Variants in KCNAB3 observed in about 807,000 individuals in gnomAD.
The protein encoded by KCNAB3 is potassium voltage-gated channel subfamily A regulatory beta subunit 3, also known as voltage-gated potassium channel subunit beta-3.
In KCNAB3, 62 loss-of-function variants were observed where a neutral mutation model predicts 67.7. That is an observed-to-expected ratio of 0.92 (90% CI 0.75 to 1.13). The LOEUF (loss-of-function observed/expected upper bound fraction) is 1.13. KCNAB3 is among the 50% of genes most tolerant of loss of function. The pLI is 0.00. For missense variants in KCNAB3, 514 were observed against 522.9 expected (o/e 0.98, Z 0.17); for synonymous variants, 212 against 205.4 (o/e 1.03, Z -0.27).
Position 7,929,834 on chromosome 17 carries a change from C to CT in KCNAB3, c.-400_-399insA. 25 of 1,026,752 alleles carry CT rather than the reference C, an allele frequency of 2.4e-5. No homozygotes were observed. The highest frequency in any genetic ancestry group is 1.6e-4 in the Admixed American group (3 of 18,240). 63.6% of individuals were successfully genotyped at this position (1,026,752 alleles called of 1,614,324 possible). ...CTGCGGGACCCGCTGGGCTCCCAGC[C>CT]GCGTCGGCAGCGGGCCCAGCTCATC... On this transcript the variant is annotated 5_prime_UTR_variant, in exon 1 of 14. Transcript: ENST00000303790. The surrounding 1 kb of genome is among the most constrained non-coding windows in gnomAD (Gnocchi z 5.7).
intron 13 of KCNAB3, 124 bp downstream of exon 13, chr17:7,923,332 C>G: frequency 8.0e-7 from 1 of 1,251,650 alleles, no homozygotes; most frequent in Non-Finnish European, 1.1e-6. Context: ...GCCCTGGGAC[C>G]TCTCACCTGC....
chr17:7,926,548 G>A (rs1972239118), intron 4 of KCNAB3, among the ~76,000 whole-genome samples: 1 of 152,134 alleles, frequency 6.6e-6, no homozygotes, highest in South Asian at 2.1e-4. Flanking sequence ...CTATGGTCCA[G>A]CCTTCTGGTC....
intron 8 of KCNAB3, 43 bp from the exon 9 acceptor site, chr17:7,924,543 G>A (rs1309574175): frequency 6.4e-7 from 1 of 1,568,550 alleles, no homozygotes; most frequent in Admixed American, 1.9e-5. Context: ...CAGAGCCCTG[G>A]AATCTAAGAC....
At chr17:7,924,533 C>CA (rs1434215233) in intron 8 of KCNAB3, 33 bp from the exon 9 acceptor site, 2 of 1,584,682 alleles carry the variant, frequency 1.3e-6, no homozygotes, top group Admixed American at 1.8e-5. Flanking sequence ...GCCTTACTGT[C>CA]AGAGCCCTGG....
At position 7,929,223 on chromosome 17, in the gene KCNAB3, G is replaced by GCT; in HGVS notation, c.211_212dup (p.Ser71ArgfsTer9). On this transcript the variant is annotated frameshift_variant, in exon 1 of 14. Transcript: ENST00000303790. LOFTEE classifies it high-confidence loss of function. The surrounding 1 kb of genome is among the most constrained non-coding windows in gnomAD (Gnocchi z 5.7). ...ATTTCATGCCAGTGCCTCGGCCGGT[G>GCT]CTCTCTCGGAGGGCCCCAGCGGGCG... The GCT allele has an allele frequency of 6.2e-7, 1 of 1,611,634 alleles. No individual in the cohort carries two copies. Among genetic ancestry groups the GCT allele is most frequent in the African/African-American group, 1.3e-5 (1 of 74,986 alleles).
chr17:7,923,478 A>T lies in KCNAB3; in HGVS notation c.1115T>A (p.Ile372Lys). Residue 372 changes from isoleucine (I) to lysine (K), a missense_variant, in exon 13 of 14, where the codon ATA (isoleucine) becomes AAA (lysine). Ile to Lys is a moderately radical substitution (Grantham distance 102). Transcript: ENST00000303790. ...LLGVSSAEQL[I>K]EHLGALQVLS... ...CACCTGTAGCGCGCCCAGGTGTTCTATCAACTGCTCCGCACTCGACACCCC... is the reference window on the plus strand; with the variant it reads ...CACCTGTAGCGCGCCCAGGTGTTCTTTCAACTGCTCCGCACTCGACACCCC... 6.2e-7 allele frequency: 1 copy of T among 1,612,086 alleles called. No homozygotes were observed. The highest frequency in any genetic ancestry group is 8.5e-7 in the Non-Finnish European group (1 of 1,179,168).
chr17:7,924,665 A>AGCCTCCACT, intron 8 of KCNAB3, 165 bp from the exon 9 acceptor site: 1 of 1,383,212 alleles, frequency 7.2e-7, no homozygotes, highest in South Asian at 1.9e-5. Context: ...CTGGAGTCTC[A>AGCCTCCACT]GCCTCCACTG....
intron 2 of KCNAB3, 44 bp from the exon 3 acceptor site, chr17:7,927,738 C>G: frequency 3.7e-6 from 6 of 1,614,166 alleles, no homozygotes; most frequent in Non-Finnish European, 5.1e-6. Context: ...AGGGGGCAGA[C>G]CATGAAAGAA....
Position 7,929,509 on chromosome 17 carries a change from A to G in KCNAB3, c.-74T>C. 6.6e-7 allele frequency: 1 copy of G among 1,516,600 alleles called. No homozygotes were observed. The highest frequency in any genetic ancestry group is 8.8e-7 in the Non-Finnish European group (1 of 1,130,538). The allele number at this position is 1,516,600 out of a possible 1,614,324, so 93.9% of individuals were successfully genotyped here. ...GAGCAGGGAAGCCCGAGGGCTGACG[A>G]CCGGGGGCGTAGTGGGGCGAACCCC... On this transcript the variant is annotated 5_prime_UTR_variant, in exon 1 of 14. Coordinates refer to ENST00000303790, the MANE Select transcript of KCNAB3 (RefSeq NM_004732.4). This position sits in a 1 kb window ranked among gnomAD's most constrained non-coding sequence, Gnocchi z 5.7.
chr17:7,925,654 A>G, intron 7 of KCNAB3, 29 bp downstream of exon 7: 1 of 1,611,724 alleles, frequency 6.2e-7, no homozygotes, highest in Non-Finnish European at 8.5e-7. Context: ...ATATCCCCTC[A>G]CTTTGGGTTT....
chr17:7,929,679 G>C lies in KCNAB3; in HGVS notation c.-244C>G. 1 of 1,396,782 alleles carries C rather than the reference G, an allele frequency of 7.2e-7. No homozygotes were observed. Among genetic ancestry groups the C allele is most frequent in the Non-Finnish European group, 9.3e-7 (1 of 1,078,906 alleles). 86.5% of individuals were successfully genotyped at this position (1,396,782 alleles called of 1,614,324 possible). A position where few individuals can be genotyped will look rare whatever the true frequency, so the allele number is the denominator to read the frequency against. On this transcript the variant is annotated 5_prime_UTR_variant, in exon 1 of 14. Coordinates refer to ENST00000303790, the MANE Select transcript of KCNAB3 (RefSeq NM_004732.4). The surrounding 1 kb of genome is among the most constrained non-coding windows in gnomAD (Gnocchi z 5.7). ...CAGGAGTGGAGATATTCAGTTACGG[G>C]GGACACAGGAGCAAGGATTAGGAGG...
chr17:7,925,601 G>A, intron 7 of KCNAB3, 82 bp downstream of exon 7: 1 of 1,352,258 alleles, frequency 7.4e-7, no homozygotes, highest in Non-Finnish European at 1.1e-6. Context: ...CCTATTCAAA[G>A]CCTCCAGAAG....
In KCNAB3 at chr17:7,924,360, C is replaced by T. The variant is rs1407576175; in HGVS notation, c.711+55G>A. ...AGTGCAGTGGGCTTTGGAGTAACCA[C>T]GTGAAAAGTGGGAACCAGTTGTGGG... On this transcript the variant is annotated intron_variant, in intron 9 of 13. Transcript: ENST00000303790. 10 of 1,608,068 alleles carry T rather than the reference C, an allele frequency of 6.2e-6. No individual in the cohort carries two copies. In the East Asian group the frequency reaches 8.9e-5, roughly 14 times the overall value.
chr17:7,928,119 G>T, intron 1 of KCNAB3: 1 of 546,570 alleles, frequency 1.8e-6, no homozygotes, highest in South Asian at 2.1e-5. Flanking sequence ...CCTTCTTCTG[G>T]GGTCTTGTCT....
In KCNAB3 at chr17:7,929,686, A is replaced by C; in HGVS notation, c.-251T>G. On this transcript the variant is annotated 5_prime_UTR_variant, in exon 1 of 14. Transcript: ENST00000303790. The surrounding 1 kb of genome is among the most constrained non-coding windows in gnomAD (Gnocchi z 5.7). Reference sequence around the variant, plus strand: ...GGAGATATTCAGTTACGGGGGACACAGGAGCAAGGATTAGGAGGGGGAAAT... The same window carrying C: ...GGAGATATTCAGTTACGGGGGACACCGGAGCAAGGATTAGGAGGGGGAAAT... 2.9e-6 allele frequency: 4 copies of C among 1,380,704 alleles called. No individual in the cohort carries two copies. The East Asian group carries it at 1.2e-4, about 41-fold the overall frequency. 85.5% of individuals were successfully genotyped at this position (1,380,704 alleles called of 1,614,324 possible).
chr17:7,923,001 G>A lies in KCNAB3; in HGVS notation c.*101C>T, dbSNP rs1972086640. 4 of 1,141,428 alleles carry A rather than the reference G, an allele frequency of 3.5e-6. No homozygotes were observed. In the South Asian group the frequency reaches 3.7e-5, roughly 11 times the overall value. The allele number at this position is 1,141,428 out of a possible 1,614,324, so 70.7% of individuals were successfully genotyped here. The stretch of plus-strand genomic sequence containing the variant: ...TGGTGGGCGGGGCTAGTCTGGCTCC[G>A]GCCGCTGCGTGGAGGGATCCGGAGC... On this transcript the variant is annotated 3_prime_UTR_variant, in exon 14 of 14. Coordinates refer to ENST00000303790, the MANE Select transcript of KCNAB3 (RefSeq NM_004732.4).
At chr17:7,927,255 A>G in intron 4 of KCNAB3, 89 bp downstream of exon 4, 1 of 1,250,872 alleles carries the variant, frequency 8.0e-7, no homozygotes, top group Non-Finnish European at 1.2e-6. Context: ...CAGAAGTCCC[A>G]GGGTTCTTTA....
Position 7,927,403 on chromosome 17 carries a change from A to G in KCNAB3, c.345T>C (p.Thr115=), listed in dbSNP as rs753511380. 6.2e-7 allele frequency: 1 copy of G among 1,614,022 alleles called. No homozygotes were observed. Among genetic ancestry groups the G allele is most frequent in the African/African-American group, 1.3e-5 (1 of 75,044 alleles). Residue 115 remains threonine (T), a synonymous_variant, in exon 4 of 14, where the codon ACT becomes ACC. Coordinates refer to ENST00000303790, the MANE Select transcript of KCNAB3 (RefSeq NM_004732.4). ...ISDETAEDVL[T]VAYEHGVNLF... ...GGTTTACACCATGCTCATAGGCTACAGTCAGCACATCCTCTGCTGTCTAGG... is the reference window on the plus strand; with the variant it reads ...GGTTTACACCATGCTCATAGGCTACGGTCAGCACATCCTCTGCTGTCTAGG...
chr17:7,923,989 A>G lies in KCNAB3; in HGVS notation c.906T>C (p.Asp302=). 6.2e-7 allele frequency: 1 copy of G among 1,613,374 alleles called. No individual in the cohort carries two copies. Among genetic ancestry groups the G allele is most frequent in the Non-Finnish European group, 8.5e-7 (1 of 1,179,788 alleles). The change falls in exon 11 of 14, where the codon GAT becomes GAC. Residue 302 remains aspartate, a synonymous_variant. Transcript: ENST00000303790. The part of the protein sequence containing the change: ...ITSKYDGRVP[D]TCRASIKGYQ... ...TCACCTTGATGGAGGCCCTGCAAGT[A>G]TCTGGGACTCGCCCATCATACTTGC... is the stretch of plus-strand genomic sequence containing the variant.
Sources: allele counts gnomAD v4.1 joint callset (sites outside exome capture counted in the v4.1 genomes callset), GRCh38; gene constraint gnomAD v4.1.1; non-coding constraint Gnocchi (gnomAD v3.1); transcripts MANE v1.5; gene names NCBI Gene and HGNC (gene_info 2026-07-23, HGNC 2026-07-21).